The following FRMD4A variants were observed in gnomAD, a reference collection of about 807,000 sequenced individuals.
FRMD4A encodes the protein FERM domain-containing protein 4A.
FRMD4A carries 29 observed loss-of-function variants against 129.1 expected under a neutral mutation model. The observed-to-expected ratio is 0.22, with a 90% CI of 0.17 to 0.31. FRMD4A has a LOEUF of 0.31. FRMD4A is among the 10% of genes least tolerant of loss of function. FRMD4A has a pLI of 1.00. For missense variants in FRMD4A, 1,272 were observed against 1,375.8 expected (o/e 0.92, Z 1.19); for synonymous variants, 634 against 571.6 (o/e 1.11, Z -1.56).
At chr10:13,664,180 G>T (rs1415683536) in intron 18 of FRMD4A, among the ~76,000 whole-genome samples, 1 of 152,206 alleles carries the variant, frequency 6.6e-6, no homozygotes, top group Non-Finnish European at 1.5e-5. Flanking sequence ...TGTGAGCAAA[G>T]GTCCCAAGTC....
intron 2 of FRMD4A, among the ~76,000 whole-genome samples, chr10:13,910,624 G>A (rs2094930481): frequency 6.6e-6 from 1 of 152,130 alleles, no homozygotes; most frequent in Admixed American, 6.5e-5. Context: ...CTTTTCTTTT[G>A]CTAAATGTAT....
At chr10:14,233,822 A>G (rs1228293169) in intron 2 of FRMD4A, among the ~76,000 whole-genome samples, 1 of 152,288 alleles carries the variant, frequency 6.6e-6, no homozygotes, top group Non-Finnish European at 1.5e-5. Flanking sequence ...TCGCAATTTC[A>G]AGAGCTAAAG....
intron 4 of FRMD4A, among the ~76,000 whole-genome samples, chr10:13,808,299 A>G (rs1386106006): frequency 6.6e-6 from 1 of 152,252 alleles, no homozygotes; most frequent in African/African-American, 2.4e-5. Context: ...TAAAACACAC[A>G]GTGTAGCACC....
intron 3 of FRMD4A, among the ~76,000 whole-genome samples, chr10:13,851,777 G>A (rs759063036): frequency 6.6e-6 from 1 of 151,826 alleles, no homozygotes; most frequent in Admixed American, 6.6e-5. Flanking sequence ...GCGCCTGCCT[G>A]TAATCCCAGC....
intron 7 of FRMD4A, 111 bp downstream of exon 7, chr10:13,762,513 T>C (rs2130702808): frequency 1.5e-6 from 1 of 668,198 alleles, no homozygotes; most frequent in South Asian, 1.8e-5. Context: ...TAAAAAAAGG[T>C]AAGACGACAA....
chr10:14,254,221 G>A (rs966465094), intron 2 of FRMD4A, among the ~76,000 whole-genome samples: 40 of 152,200 alleles, frequency 2.6e-4, no homozygotes, highest in African/African-American at 9.4e-4. Flanking sequence ...TCAACTCCAG[G>A]AACCAAGGTC....
chr10:14,227,549 G>A (rs1843487272), intron 2 of FRMD4A, among the ~76,000 whole-genome samples: 1 of 152,032 alleles, frequency 6.6e-6, no homozygotes, highest in Non-Finnish European at 1.5e-5. Flanking sequence ...AGGGTGCCCA[G>A]CCCTCTCTTT....
At chr10:13,801,787 T>C (rs2093260013) in intron 4 of FRMD4A, among the ~76,000 whole-genome samples, 1 of 152,210 alleles carries the variant, frequency 6.6e-6, no homozygotes. Flanking sequence ...TGCTAAAGGC[T>C]TTTGCTTTCC....
chr10:13,686,305 C>T (rs542304596), intron 15 of FRMD4A, among the ~76,000 whole-genome samples: 2 of 152,330 alleles, frequency 1.3e-5, no homozygotes, highest in South Asian at 2.1e-4. Context: ...CGAAAAACGT[C>T]GTGTGATTTA....
At chr10:13,796,694 G>A in intron 4 of FRMD4A, 106 bp from the exon 5 acceptor site, 3 of 657,238 alleles carry the variant, frequency 4.6e-6, no homozygotes, top group East Asian at 2.6e-5. Flanking sequence ...AGATAAATTT[G>A]AACCTTCACC....
At chr10:13,930,416 A>G (rs1372430004) in intron 2 of FRMD4A, among the ~76,000 whole-genome samples, 1 of 152,198 alleles carries the variant, frequency 6.6e-6, no homozygotes, top group Non-Finnish European at 1.5e-5. Context: ...GATAAGCCGC[A>G]GGGGTTACTT....
rs193009842 is a variant in FRMD4A, at chr10:13,815,434, C to T, written c.112-4526G>A. On this transcript the variant is annotated intron_variant, in intron 3 of 24. Coordinates refer to ENST00000357447, the MANE Select transcript of FRMD4A (RefSeq NM_018027.5). ...GGGGGTTATTGCTTAATGGTTACAG[C>T]ATTTCTGTACTGGATGATGAAAAAG... 2.0e-5 allele frequency among the ~76,000 whole-genome samples: 3 copies of T among 152,222 alleles called. No individual in the cohort carries two copies. In the East Asian group the frequency reaches 5.8e-4, roughly 29 times the overall value.
intron 24 of FRMD4A, 105 bp downstream of exon 24, chr10:13,651,798 T>C (rs2081615490): frequency 5.5e-6 from 4 of 725,754 alleles, no homozygotes; most frequent in Non-Finnish European, 1.0e-5. Flanking sequence ...AAGGCATAAA[T>C]ACAGCATTCA....
intron 2 of FRMD4A, among the ~76,000 whole-genome samples, chr10:14,291,269 A>G (rs1845843293): frequency 6.6e-6 from 1 of 152,180 alleles, no homozygotes; most frequent in Non-Finnish European, 1.5e-5. Context: ...TATCTTACCA[A>G]AGAGAAAACT....
rs534642858 is a variant in FRMD4A at position 14,263,105 on chromosome 10, G to A, written c.45+66953C>T. Among the ~76,000 whole-genome samples, 17 of 152,284 alleles carry A rather than the reference G, an allele frequency of 1.1e-4. No homozygotes were observed. The South Asian group carries it at 1.9e-3, about 17-fold the overall frequency. ...TGGCCTACGGAGAGGACCCGTGTGC[G>A]ATATTCCAATGACAGTTTTAATGGA... On this transcript the variant is annotated intron_variant, in intron 2 of 24. Transcript: ENST00000357447.
At position 13,670,481 on chromosome 10, in the gene FRMD4A, C is replaced by T. The variant is rs752846917; in HGVS notation, c.1299G>A (p.Glu433=). The change falls in exon 17 of 25, where the codon GAG becomes GAA. Residue 433 remains glutamate (E), a synonymous_variant. Coordinates refer to ENST00000357447, the MANE Select transcript of FRMD4A (RefSeq NM_018027.5). The part of the protein sequence containing the change: ...LPVEYPLDPG[E]EPPIVRRRIG... ...TTCTTCTCCGAACAATGGGTGGTTC[C>T]TCCCCTGGATCCAGGGGATATTCTA... 1 of 1,612,524 alleles carries T rather than the reference C, an allele frequency of 6.2e-7. No homozygotes were observed.
intron 9 of FRMD4A, among the ~76,000 whole-genome samples, chr10:13,741,620 A>G (rs2091009784): frequency 6.6e-6 from 1 of 152,162 alleles, no homozygotes; most frequent in Admixed American, 6.5e-5. Flanking sequence ...AGTCCTGTTC[A>G]CACAGGGCCT....
chr10:13,933,352 T>C (rs771534400), intron 2 of FRMD4A, among the ~76,000 whole-genome samples: 2 of 152,160 alleles, frequency 1.3e-5, no homozygotes, highest in Non-Finnish European at 2.9e-5. Context: ...GTCTGGAAGG[T>C]ATTTAAATCC....
rs147528252 is a variant in FRMD4A, at chr10:14,303,220, A to G, written c.45+26838T>C. Among the ~76,000 whole-genome samples, 3 of 152,322 alleles carry G rather than the reference A, an allele frequency of 2.0e-5. No homozygotes were observed. The East Asian group carries it at 5.8e-4, about 29-fold the overall frequency. On this transcript the variant is annotated intron_variant, in intron 2 of 24. Coordinates refer to ENST00000357447, the MANE Select transcript of FRMD4A (RefSeq NM_018027.5). Reference sequence around the variant, plus strand: ...CCCTTAACCCCACAGTTCTAGGGTAACCAGGGTTGAGAACCACAGCTCTGG... The same window carrying G: ...CCCTTAACCCCACAGTTCTAGGGTAGCCAGGGTTGAGAACCACAGCTCTGG...
Sources: gnomAD v4.1 joint callset for allele counts (sites outside exome capture counted in the v4.1 genomes callset) on GRCh38, gnomAD v4.1.1 for gene constraint, MANE v1.5 for transcripts, NCBI Gene and HGNC (gene_info 2026-07-23, HGNC 2026-07-21) for gene names.